The following CFAP65 variants were observed in gnomAD, a reference collection of about 807,000 sequenced individuals.
CFAP65 encodes cilia- and flagella-associated protein 65.
CFAP65 carries 155 observed loss-of-function variants against 208.0 expected under a neutral mutation model. The ratio of observed to expected loss-of-function variants is 0.75; its 90% CI spans 0.65 to 0.85. The LOEUF is 0.85. Among genes scored for constraint, CFAP65 ranks in the 40% least tolerant of loss-of-function variants. The probability of loss-of-function intolerance (pLI) is 0.00; values close to 1 mark genes in which losing one functional copy is unlikely to be tolerated. For synonymous variants in CFAP65, 970 were observed against 986.3 expected (o/e 0.98, Z 0.31); for missense variants, 2,294 against 2,451.3 (o/e 0.94, Z 1.36).
chr2:219,040,820 G>A (rs550486809), intron 1 of CFAP65, among the ~76,000 whole-genome samples: 12 of 152,334 alleles, frequency 7.9e-5, no homozygotes, highest in Admixed American at 7.8e-4. Flanking sequence ...GACGCTGGGT[G>A]CCAGCATCTT....
chr2:219,040,388 C>T (rs560947641), intron 2 of CFAP65, 131 bp downstream of exon 2: 26 of 626,548 alleles, frequency 4.1e-5, no homozygotes, highest in African/African-American at 3.5e-4. Context: ...CCCTGGTTTT[C>T]CTAGTTGGCA....
Position 219,022,194 on chromosome 2 carries a change from C to T in CFAP65, c.2956G>A (p.Val986Ile), listed in dbSNP as rs750628275. Residue 986 changes from valine (V) to isoleucine (I), a missense_variant, in exon 17 of 35, where the codon GTT (valine) becomes ATT (isoleucine). Physicochemically the swap from Val to Ile is conservative, Grantham distance 29. This residue lies in a region of CFAP65 where 1,427 missense variants were observed against 1,438.7 expected (regional missense o/e 0.99). Coordinates refer to ENST00000341552, the MANE Select transcript of CFAP65 (RefSeq NM_194302.4). ...TTHYMLRLVG[V>I]GLTSSLSAKE... ...ACAGAGAGGCTGCTGGTGAGCCCAA[C>T]GCCCACCAGCCGGAGCATGTAGTGG... 31 of 1,602,268 alleles carry T rather than the reference C, an allele frequency of 1.9e-5. No individual in the cohort carries two copies. The South Asian group carries it at 3.0e-4, about 16-fold the overall frequency.
At chr2:219,021,433 AG>A (rs1947256964) in intron 18 of CFAP65, among the ~76,000 whole-genome samples, 153 bp from the exon 19 acceptor site, 1 of 152,168 alleles carries the variant, frequency 6.6e-6, no homozygotes. Flanking sequence ...AGCCTGGGTC[AG>A]AGGGACCACA....
rs775726679 is a variant in CFAP65 at position 219,031,689 on chromosome 2, C to T, written c.646-31G>A. ...GTGTGAGGCGGGGCAGGGGCAGTCA[C>T]CCATCAGTGGCATTCAGGGACTGCA... On this transcript the variant is annotated intron_variant, in intron 6 of 34. Transcript: ENST00000341552. The surrounding 1 kb of genome is among the most constrained non-coding windows in gnomAD (Gnocchi z 5.2). 1 of 1,572,114 alleles carries T rather than the reference C, an allele frequency of 6.4e-7. No individual in the cohort carries two copies. The highest frequency in any genetic ancestry group is 8.6e-7 in the Non-Finnish European group (1 of 1,157,286).
In CFAP65 at chr2:219,030,132, T is replaced by G. The variant is rs1393467535; in HGVS notation, c.1238A>C (p.His413Pro). 1 of 1,614,012 alleles carries G rather than the reference T, an allele frequency of 6.2e-7. No homozygotes were observed. The highest frequency in any genetic ancestry group is 1.3e-5 in the African/African-American group (1 of 74,900). ...EDQAFSCPTA[H>P]GIVLPGEKKC... ...CTTCTCTCCCGGAAGCACGATGCCA[T>G]GGGCCGTGGGGCATGAGAAGGCCTG... The change falls in exon 10 of 35, where the codon CAT becomes CCT. Residue 413 changes from histidine (H) to proline (P), a missense_variant. Physicochemically the swap from His to Pro is moderately conservative, Grantham distance 77 (BLOSUM62 -2). Around this residue, in one of 2 missense-constraint regions of CFAP65, gnomAD observed 867 missense variants for 1,012.6 expected, o/e 0.86. Transcript: ENST00000341552.
intron 30 of CFAP65, 75 bp from the exon 31 acceptor site, chr2:219,006,298 A>C: frequency 6.6e-7 from 1 of 1,518,044 alleles, no homozygotes; most frequent in South Asian, 1.2e-5. Context: ...CCCTTGACCT[A>C]GTTCCCCCAC....
intron 14 of CFAP65, 102 bp from the exon 15 acceptor site, chr2:219,024,362 G>C: frequency 7.1e-7 from 1 of 1,418,030 alleles, no homozygotes; most frequent in Non-Finnish European, 9.5e-7. Context: ...TCTCCAAGTA[G>C]ATCAGAGGTG....
intron 3 of CFAP65, 40 bp downstream of exon 3, chr2:219,038,856 C>T (rs778058487): frequency 6.4e-7 from 1 of 1,571,732 alleles, no homozygotes. Flanking sequence ...TGGCACTGCT[C>T]AGCAAGCTCC....
chr2:219,041,333 C>A, intron 1 of CFAP65, 155 bp downstream of exon 1: 1 of 683,838 alleles, frequency 1.5e-6, no homozygotes, highest in South Asian at 1.8e-5. Context: ...TGATCTCGCC[C>A]AAGACTCAGT....
chr2:219,026,135 CAAT>C lies in CFAP65; in HGVS notation c.2233_2235del (p.Ile745del). ...GATGGGCACATGGTGCAGTCCTCCT[CAAT>C]ATTACTGTAGCTCTGCAGGACCTGC... On this transcript the variant is annotated inframe_deletion, in exon 14 of 35. Coordinates refer to ENST00000341552, the MANE Select transcript of CFAP65 (RefSeq NM_194302.4). 1 of 1,613,626 alleles carries C rather than the reference CAAT, an allele frequency of 6.2e-7. No individual in the cohort carries two copies. Among genetic ancestry groups the C allele is most frequent in the Non-Finnish European group, 8.5e-7 (1 of 1,179,720 alleles).
rs749978288 is a variant in CFAP65 at position 219,004,154 on chromosome 2, TCTC to T, written c.5350_5352del (p.Glu1784del). 7.6e-5 allele frequency: 123 copies of T among 1,613,532 alleles called. No homozygotes were observed. Among genetic ancestry groups the T allele is most frequent in the South Asian group, 2.2e-4 (20 of 91,068 alleles). ...TCCTTGCCCAACTCCTCCTCTTCTG[TCTC>T]CTCTTCTTCCTCCTCTTCCTCCTCC... On this transcript the variant is annotated inframe_deletion, in exon 33 of 35. Coordinates refer to ENST00000341552, the MANE Select transcript of CFAP65 (RefSeq NM_194302.4). This position sits in a 1 kb window ranked among gnomAD's most constrained non-coding sequence, Gnocchi z 4.7.
intron 4 of CFAP65, among the ~76,000 whole-genome samples, chr2:219,037,946 A>G (rs962821976): frequency 6.6e-6 from 1 of 152,198 alleles, no homozygotes; most frequent in Non-Finnish European, 1.5e-5. Context: ...TATTGGTCAA[A>G]CACAAAGTCC....
intron 19 of CFAP65, among the ~76,000 whole-genome samples, chr2:219,020,111 T>G (rs1418083556): frequency 6.6e-6 from 1 of 151,948 alleles, no homozygotes; most frequent in African/African-American, 2.4e-5. Flanking sequence ...TTTAGAAAAT[T>G]TTCATCATCC....
intron 29 of CFAP65, among the ~76,000 whole-genome samples, chr2:219,008,600 T>G (rs1946196736): frequency 6.6e-6 from 1 of 152,022 alleles, no homozygotes; most frequent in African/African-American, 2.4e-5. Flanking sequence ...CAAAAATTAG[T>G]CAGGTATAGT....
chr2:219,018,198 C>T (rs889850693), intron 21 of CFAP65: 4 of 152,278 alleles, frequency 2.6e-5, no homozygotes, highest in Admixed American at 1.3e-4. Context: ...GGATCCCTCT[C>T]CTAAGTCTGA....
chr2:219,029,819 G>A, intron 10 of CFAP65, 151 bp from the exon 11 acceptor site: 1 of 1,153,832 alleles, frequency 8.7e-7, no homozygotes, highest in Non-Finnish European at 1.2e-6. Context: ...AGTGGGACTG[G>A]GATCTCCAGG....
At chr2:219,021,354 C>A in intron 18 of CFAP65, 74 bp from the exon 19 acceptor site, 4 of 1,446,882 alleles carry the variant, frequency 2.8e-6, no homozygotes, top group East Asian at 2.5e-5. Context: ...TTGTAGATAC[C>A]CTTCCCTGGG....
Position 219,009,029 on chromosome 2 carries a change from C to T in CFAP65, c.4674+18G>A. On this transcript the variant is annotated intron_variant, in intron 29 of 34. Coordinates refer to ENST00000341552, the MANE Select transcript of CFAP65 (RefSeq NM_194302.4). Reference sequence around the variant, plus strand: ...TCAGAAAGATCTGGGTGTTTGAGATCTACTCAGCCCTCCTCACCTTCACTT... The same window carrying T: ...TCAGAAAGATCTGGGTGTTTGAGATTTACTCAGCCCTCCTCACCTTCACTT... 6.3e-7 allele frequency: 1 copy of T among 1,594,668 alleles called. No individual in the cohort carries two copies. Among genetic ancestry groups the T allele is most frequent in the Non-Finnish European group, 8.6e-7 (1 of 1,163,662 alleles).
At chr2:219,005,934 T>G in intron 31 of CFAP65, 87 bp downstream of exon 31, 13 of 1,314,642 alleles carry the variant, frequency 9.9e-6, no homozygotes, top group Middle Eastern at 2.0e-4. Flanking sequence ...CCCCTCACCA[T>G]GGGTTGGGTC....
Sources: gnomAD v4.1 joint callset for allele counts (sites outside exome capture counted in the v4.1 genomes callset) on GRCh38, gnomAD v4.1.1 for gene constraint, gnomAD v4.1.1 regional missense constraint, Gnocchi (gnomAD v3.1) non-coding constraint, MANE v1.5 for transcripts, NCBI Gene and HGNC (gene_info 2026-07-23, HGNC 2026-07-21) for gene names.